Variants in BBS9 observed in about 807,000 individuals in gnomAD.
The protein encoded by BBS9 is Bardet-Biedl syndrome 9, also known as protein PTHB1.
A neutral mutation model predicts 117.7 loss-of-function variants in BBS9; 89 were observed. The observed-to-expected ratio is 0.76, with a 90% CI of 0.64 to 0.90. BBS9 has a LOEUF of 0.90. Among genes scored for constraint, BBS9 ranks in the 40% least tolerant of loss-of-function variants. The pLI, the probability that BBS9 is intolerant of heterozygous loss-of-function variation, is 0.00. For missense variants in BBS9, 982 were observed against 1,042.2 expected (o/e 0.94, Z 0.80); for synonymous variants, 379 against 370.9 (o/e 1.02, Z -0.25).
intron 21 of BBS9, among the ~76,000 whole-genome samples, chr7:33,587,895 G>A (rs1457012334): frequency 1.3e-5 from 2 of 152,020 alleles, no homozygotes; most frequent in African/African-American, 2.4e-5. Context: ...TTAAAAACAC[G>A]TTTAGATTTG....
chr7:33,364,692 C>T (rs377476848), intron 16 of BBS9, among the ~76,000 whole-genome samples: 5 of 113,308 alleles, frequency 4.4e-5, no homozygotes, highest in African/African-American at 6.8e-5. Context: ...CCCCCCTCCC[C>T]CTCCGCCCTT....
intron 19 of BBS9, 89 bp downstream of exon 19, chr7:33,388,233 G>T: frequency 1.3e-6 from 2 of 1,485,376 alleles, no homozygotes; most frequent in Non-Finnish European, 1.9e-6. Flanking sequence ...CCAAGATAAG[G>T]TACTCATTTC....
At chr7:33,429,284 A>T (rs1039139018) in intron 19 of BBS9, among the ~76,000 whole-genome samples, 2 of 141,916 alleles carry the variant, frequency 1.4e-5, no homozygotes, top group Non-Finnish European at 3.1e-5. Context: ...GCCTTGAAAT[A>T]AAAAAAAAAA....
chr7:33,316,515 T>C (rs1258205429), intron 9 of BBS9, among the ~76,000 whole-genome samples: 1 of 152,194 alleles, frequency 6.6e-6, no homozygotes, highest in Non-Finnish European at 1.5e-5. Context: ...TTCCTACTAG[T>C]GATATGACAG....
At chr7:33,174,132 AC>A (rs1796993264) in intron 4 of BBS9, among the ~76,000 whole-genome samples, 1 of 152,170 alleles carries the variant, frequency 6.6e-6, no homozygotes, top group Non-Finnish European at 1.5e-5. Flanking sequence ...TGACTTCCAA[AC>A]CCAGTTTGGA....
At chr7:33,207,328 C>G (rs1266900864) in intron 5 of BBS9, among the ~76,000 whole-genome samples, 1 of 152,188 alleles carries the variant, frequency 6.6e-6, no homozygotes, top group Non-Finnish European at 1.5e-5. Context: ...TCACATTTGT[C>G]AGTTGGTTCT....
At chr7:33,329,355 A>T (rs1301208706) in intron 9 of BBS9, among the ~76,000 whole-genome samples, 1 of 152,204 alleles carries the variant, frequency 6.6e-6, no homozygotes, top group Non-Finnish European at 1.5e-5. Context: ...ACAAAATGAA[A>T]ATAATTCATC....
intron 19 of BBS9, among the ~76,000 whole-genome samples, chr7:33,438,078 A>G (rs1177689764): frequency 2.6e-5 from 4 of 152,216 alleles, no homozygotes; most frequent in Non-Finnish European, 5.9e-5. Flanking sequence ...AAGGGCCATA[A>G]TGAACATATT....
chr7:33,556,057 A>G (rs1855239905), intron 21 of BBS9, among the ~76,000 whole-genome samples: 1 of 152,178 alleles, frequency 6.6e-6, no homozygotes, highest in Non-Finnish European at 1.5e-5. Flanking sequence ...GGTAGTGCAC[A>G]ATGTTATGAA....
At chr7:33,144,307 G>T (rs955680519) in intron 1 of BBS9, among the ~76,000 whole-genome samples, 1 of 152,192 alleles carries the variant, frequency 6.6e-6, no homozygotes, top group African/African-American at 2.4e-5. Context: ...CTTACTTTAA[G>T]AGGCAGGTTG....
At chr7:33,346,316 G>A (rs1179337857) in intron 12 of BBS9, 2 of 466,386 alleles carry the variant, frequency 4.3e-6, no homozygotes, top group Non-Finnish European at 8.9e-6. Flanking sequence ...GAATGAAGAT[G>A]TGGCTACCTT....
chr7:33,634,646 A>G (rs1156494682), intron 21 of BBS9, among the ~76,000 whole-genome samples: 2 of 152,118 alleles, frequency 1.3e-5, no homozygotes, highest in Non-Finnish European at 2.9e-5. Flanking sequence ...GTCACGTAAA[A>G]CAGATTCAGT....
chr7:33,443,839 A>G (rs1264801506), intron 19 of BBS9, among the ~76,000 whole-genome samples: 1 of 152,338 alleles, frequency 6.6e-6, no homozygotes, highest in African/African-American at 2.4e-5. Context: ...AATAAAGTGA[A>G]TGCCTGAGAA....
intron 9 of BBS9, among the ~76,000 whole-genome samples, chr7:33,275,889 G>T (rs1800677701): frequency 6.6e-6 from 1 of 152,062 alleles, no homozygotes; most frequent in African/African-American, 2.4e-5. Context: ...AATATTATGA[G>T]TAAAACACCA....
intron 21 of BBS9, among the ~76,000 whole-genome samples, chr7:33,575,369 A>T (rs1390631484): frequency 6.6e-6 from 1 of 152,148 alleles, no homozygotes; most frequent in African/African-American, 2.4e-5. Context: ...AAGAAGTTGA[A>T]TCTCTGAGTA....
chr7:33,382,537 A>G (rs10243590), intron 17 of BBS9, among the ~76,000 whole-genome samples: 1 of 152,018 alleles, frequency 6.6e-6, no homozygotes, highest in Non-Finnish European at 1.5e-5. Flanking sequence ...ATAAGAATGC[A>G]TGGTTTTACG....
chr7:33,229,808 A>AT (rs1791980193), intron 5 of BBS9, among the ~76,000 whole-genome samples: 1 of 152,052 alleles, frequency 6.6e-6, no homozygotes, highest in South Asian at 2.1e-4. Context: ...TGATCATTCT[A>AT]TTTTTAATTT....
intron 19 of BBS9, among the ~76,000 whole-genome samples, chr7:33,463,494 C>T (rs1839771655): frequency 6.6e-6 from 1 of 151,920 alleles, no homozygotes; most frequent in Admixed American, 6.6e-5. Flanking sequence ...TGATCCCTTC[C>T]AGTCTTAAAA....
chr7:33,554,118 A>T (rs1176590217), intron 21 of BBS9, among the ~76,000 whole-genome samples: 20 of 152,134 alleles, frequency 1.3e-4, no homozygotes, highest in Non-Finnish European at 2.9e-5. Context: ...CACATGGTCT[A>T]TCTGGCTTGA....
Sources: gnomAD v4.1 joint callset for allele counts (sites outside exome capture counted in the v4.1 genomes callset) on GRCh38, gnomAD v4.1.1 for gene constraint, MANE v1.5 for transcripts, NCBI Gene and HGNC (gene_info 2026-07-23, HGNC 2026-07-21) for gene names.